DLGAP5: variants seen among roughly 807,000 people sequenced by gnomAD.
The protein encoded by DLGAP5 is disks large-associated protein 5.
Under a neutral mutation model 99.6 loss-of-function variants are expected in DLGAP5, and 90 were observed. The ratio of observed to expected loss-of-function variants is 0.90; its 90% CI spans 0.76 to 1.08. The LOEUF is 1.08. DLGAP5 is among the 50% of genes least tolerant of loss of function. The pLI is 0.00. For missense variants in DLGAP5, 1,036 were observed against 983.5 expected (o/e 1.05, Z -0.71); for synonymous variants, 311 against 321.3 (o/e 0.97, Z 0.34).
intron 15 of DLGAP5, among the ~76,000 whole-genome samples, chr14:55,154,086 A>G (rs1331891310): frequency 6.7e-6 from 1 of 150,038 alleles, no homozygotes; most frequent in African/African-American, 2.4e-5. Flanking sequence ...CTAGAAGCAT[A>G]TCTAGCCCAT....
chr14:55,169,221 A>G (rs948369486), intron 12 of DLGAP5, among the ~76,000 whole-genome samples, 178 bp downstream of exon 12: 4 of 151,766 alleles, frequency 2.6e-5, no homozygotes, highest in African/African-American at 7.3e-5. Context: ...ATATGGGAGA[A>G]GAGGACATCA....
chr14:55,148,620 G>T (rs1349279369), intron 18 of DLGAP5, 147 bp from the exon 19 acceptor site: 3 of 1,519,396 alleles, frequency 2.0e-6, no homozygotes, highest in Non-Finnish European at 2.6e-6. Context: ...TCGGGAGGCT[G>T]AGGTGGTAGG....
At chr14:55,150,914 C>T (rs763494504) in intron 17 of DLGAP5, 66 bp from the exon 18 acceptor site, 1 of 1,075,536 alleles carries the variant, frequency 9.3e-7, no homozygotes, top group Non-Finnish European at 1.3e-6. Context: ...TAGAAATGGA[C>T]AAAGCCATGA....
At chr14:55,150,739 A>G in intron 18 of DLGAP5, 60 bp downstream of exon 18, 1 of 1,239,678 alleles carries the variant, frequency 8.1e-7, no homozygotes. Flanking sequence ...TAGAAAAGCA[A>G]TATTCATTTT....
rs181011793 is a variant in DLGAP5 at position 55,182,455 on chromosome 14, G to T, written c.433-23C>A. On this transcript the variant is annotated intron_variant, in intron 3 of 18. Coordinates refer to ENST00000247191, the MANE Select transcript of DLGAP5 (RefSeq NM_014750.5). ...AGCCTTAGAACAGTCAAAAGAAGAT[G>T]AACTTAAAATATGAACTGGTAAAGG... The T allele has an allele frequency of 3.7e-5, 58 of 1,587,134 alleles. No individual in the cohort carries two copies. In the African/African-American group the frequency reaches 4.1e-4, roughly 11 times the overall value.
intron 12 of DLGAP5, among the ~76,000 whole-genome samples, chr14:55,164,039 A>G (rs765247039): frequency 1.3e-5 from 2 of 152,216 alleles, no homozygotes; most frequent in Non-Finnish European, 2.9e-5. Context: ...TAGGATGGAA[A>G]TATAATCCCC....
intron 1 of DLGAP5, 151 bp downstream of exon 1, chr14:55,191,312 C>T (rs1205002642): frequency 6.6e-6 from 1 of 152,652 alleles, no homozygotes; most frequent in Non-Finnish European, 1.5e-5. Flanking sequence ...TAAAGGCTCG[C>T]ATTATCAGCT....
rs532079392 is a variant in DLGAP5, at chr14:55,187,210, T to C, written c.238+1732A>G. 7.2e-5 allele frequency among the ~76,000 whole-genome samples: 11 copies of C among 152,292 alleles called. No individual in the cohort carries two copies. The East Asian group carries it at 2.1e-3, about 29-fold the overall frequency. ...GCCACCGCATCTGGCCCCTTGTCTT[T>C]TAATACTTTAGTATCAACTAAGTTA... is the stretch of plus-strand genomic sequence containing the variant. On this transcript the variant is annotated intron_variant, in intron 2 of 18. Transcript: ENST00000247191.
chr14:55,165,440 T>G (rs1308623077), intron 12 of DLGAP5, among the ~76,000 whole-genome samples: 4 of 152,012 alleles, frequency 2.6e-5, no homozygotes, highest in African/African-American at 9.7e-5. Context: ...GGAGGGTTGT[T>G]TGAGCCCAGG....
intron 15 of DLGAP5, 37 bp downstream of exon 15, chr14:55,154,580 C>A: frequency 6.6e-7 from 1 of 1,520,572 alleles, no homozygotes; most frequent in Non-Finnish European, 9.1e-7. Context: ...TTAGTATCAG[C>A]AACTGTTAAA....
At chr14:55,162,535 C>T (rs141238431) in intron 13 of DLGAP5, among the ~76,000 whole-genome samples, 3,067 of 151,340 alleles carry the variant, frequency 0.02, 84 homozygotes, top group African/African-American at 0.071. Flanking sequence ...AGGAGAATGG[C>T]GTGAACCCGG....
At chr14:55,159,565 A>G (rs573156495) in intron 13 of DLGAP5, among the ~76,000 whole-genome samples, 17 of 152,342 alleles carry the variant, frequency 1.1e-4, no homozygotes, top group Admixed American at 9.8e-4. Flanking sequence ...AGGATATCTC[A>G]AAAGAGATAT....
rs1217254339 is a variant in DLGAP5 at position 55,180,928 on chromosome 14, G to A, written c.581-150C>T. The A allele has an allele frequency of 5.2e-6, 5 of 957,174 alleles. No individual in the cohort carries two copies. The East Asian group carries it at 7.7e-5, about 15-fold the overall frequency. 59.3% of individuals were successfully genotyped at this position (957,174 alleles called of 1,614,324 possible). A position where few individuals can be genotyped will look rare whatever the true frequency, so the allele number is the denominator to read the frequency against. ...GCCCAGGAGTTCGAAACCAGCCTAG[G>A]CAACATAGTGAGACCCCGTCTCTAC... On this transcript the variant is annotated intron_variant, in intron 5 of 18. Transcript: ENST00000247191.
At chr14:55,184,606 T>C (rs1440199834) in intron 2 of DLGAP5, among the ~76,000 whole-genome samples, 1 of 152,166 alleles carries the variant, frequency 6.6e-6, no homozygotes, top group Non-Finnish European at 1.5e-5. Context: ...CTTCTAAAAC[T>C]AGGGTAGTGT....
At chr14:55,190,312 A>ACACACACG (rs1446818745) in intron 1 of DLGAP5, among the ~76,000 whole-genome samples, 32 of 152,060 alleles carry the variant, frequency 2.1e-4, no homozygotes, top group African/African-American at 7.2e-4. Flanking sequence ...ACACACACAC[A>ACACACACG]CACGCACAAA....
intron 4 of DLGAP5, among the ~76,000 whole-genome samples, chr14:55,181,502 A>G (rs923760108): frequency 6.6e-6 from 1 of 152,248 alleles, no homozygotes; most frequent in African/African-American, 2.4e-5. Flanking sequence ...TTTCACAATC[A>G]CAGAATTTGG....
chr14:55,177,070 T>C lies in DLGAP5; in HGVS notation c.1041A>G (p.Lys347=). The C allele has an allele frequency of 6.9e-7, 1 of 1,458,506 alleles. No homozygotes were observed. The highest frequency in any genetic ancestry group is 9.0e-7 in the Non-Finnish European group (1 of 1,106,990). 90.3% of individuals were successfully genotyped at this position (1,458,506 alleles called of 1,614,324 possible). A position where few individuals can be genotyped will look rare whatever the true frequency, so the allele number is the denominator to read the frequency against. The change falls in exon 8 of 19, where the codon AAA becomes AAG. Residue 347 remains lysine (K), a synonymous_variant. Coordinates refer to ENST00000247191, the MANE Select transcript of DLGAP5 (RefSeq NM_014750.5). ...TAAGATCATATTCTTACACTTCTGT[T>C]TTTAAAGGAGTCCAGGTGTAACTGG... ...LTPSYTWTPL[K]TEVDESQATK...
chr14:55,165,242 G>A (rs1882597029), intron 12 of DLGAP5, among the ~76,000 whole-genome samples: 1 of 151,964 alleles, frequency 6.6e-6, no homozygotes, highest in Non-Finnish European at 1.5e-5. Context: ...ACTACAATGA[G>A]GTCAGGCATG....
chr14:55,180,686 CTGTGGTAGA>C lies in DLGAP5; in HGVS notation c.664_672del (p.Ser222_Thr224del). Reference sequence around the variant, plus strand: ...GCAGCTCTTGTGACTGGCTTTCTTGCTGTGGTAGATGAGACTGTTCTGGGAACCTGCTTT... The same window carrying C: ...GCAGCTCTTGTGACTGGCTTTCTTGCTGAGACTGTTCTGGGAACCTGCTTT... On this transcript the variant is annotated inframe_deletion, in exon 6 of 19. Coordinates refer to ENST00000247191, the MANE Select transcript of DLGAP5 (RefSeq NM_014750.5). 1 of 1,614,140 alleles carries C rather than the reference CTGTGGTAGA, an allele frequency of 6.2e-7. No individual in the cohort carries two copies. Among genetic ancestry groups the C allele is most frequent in the Non-Finnish European group, 8.5e-7 (1 of 1,180,030 alleles).
Sources: allele counts gnomAD v4.1 joint callset (sites outside exome capture counted in the v4.1 genomes callset), GRCh38; gene constraint gnomAD v4.1.1; transcripts MANE v1.5; gene names NCBI Gene and HGNC (gene_info 2026-07-23, HGNC 2026-07-21).